FADS6: variants seen among roughly 807,000 people sequenced by gnomAD.
The protein encoded by FADS6 is fatty acid desaturase 6.
In FADS6, 28 loss-of-function variants were observed where a neutral mutation model predicts 31.7. The observed-to-expected ratio is 0.88, with a 90% confidence interval of 0.66 to 1.21. The LOEUF (loss-of-function observed/expected upper bound fraction) is 1.21, where lower values mean the gene tolerates loss of function less well. Ranked by LOEUF, FADS6 falls within the 50% of genes most tolerant of loss-of-function variation. The pLI is 0.00. For synonymous variants in FADS6, 191 were observed against 213.1 expected, an observed-to-expected ratio of 0.90 and a Z score of 0.90; for missense variants, 494 against 504.2, an observed-to-expected ratio of 0.98 and a Z score of 0.19.
chr17:74,892,784 G>A (rs1299503913), intron 1 of FADS6, 95 bp from the exon 2 acceptor site: 20 of 1,297,786 alleles, frequency 1.5e-5, no homozygotes, highest in Non-Finnish European at 2.1e-5. Context: ...CCAGGCTAAA[G>A]TGGGCTAGGC....
intron 2 of FADS6, among the ~76,000 whole-genome samples, chr17:74,888,157 C>CGCGCGG (rs1446798789): frequency 9.2e-6 from 1 of 108,912 alleles, no homozygotes; most frequent in Non-Finnish European, 1.7e-5. Context: ...CACACACACG[C>CGCGCGG]GCGCGCGCGC....
chr17:74,892,743 G>A (rs2038704946), intron 1 of FADS6, 54 bp from the exon 2 acceptor site: 1 of 1,522,022 alleles, frequency 6.6e-7, no homozygotes, highest in Non-Finnish European at 8.8e-7. Flanking sequence ...GGTGATCTGG[G>A]CCCAAATACC....
chr17:74,892,734 G>A, intron 1 of FADS6, 45 bp from the exon 2 acceptor site: 2 of 1,553,696 alleles, frequency 1.3e-6, no homozygotes, highest in Non-Finnish European at 1.7e-6. Flanking sequence ...CTAGCTCTGG[G>A]TGATCTGGGC....
chr17:74,884,676 G>A (rs1487739272), intron 2 of FADS6, among the ~76,000 whole-genome samples: 3 of 151,666 alleles, frequency 2.0e-5, no homozygotes, highest in African/African-American at 7.3e-5. Flanking sequence ...GCAGCGAGAC[G>A]GGGATAGGGG....
intron 2 of FADS6, among the ~76,000 whole-genome samples, chr17:74,888,167 C>A (rs965221894): frequency 6.9e-6 from 1 of 145,258 alleles, no homozygotes; most frequent in Non-Finnish European, 1.5e-5. Flanking sequence ...CGCGCGCGCG[C>A]GCGCGCAGAG....
At chr17:74,880,873 A>G (rs988011790) in intron 4 of FADS6, among the ~76,000 whole-genome samples, 195 bp downstream of exon 4, 2 of 152,230 alleles carry the variant, frequency 1.3e-5, no homozygotes, top group African/African-American at 2.4e-5. Context: ...AATGATGAGT[A>G]GGATCTTGAC....
At chr17:74,882,850 A>T (rs368411229) in intron 2 of FADS6, 140 bp from the exon 3 acceptor site, 2 of 1,517,832 alleles carry the variant, frequency 1.3e-6, no homozygotes. Context: ...AGCCCCAGCT[A>T]ATCCGCTTTG....
chr17:74,877,628 T>G lies in FADS6; in HGVS notation c.*703A>C, dbSNP rs1204738126. The stretch of plus-strand genomic sequence containing the variant: ...GATTACAGGCATGAGCCACCGCCCC[T>G]GGCTGGCTATTTATACTCTTTCCCT... On this transcript the variant is annotated 3_prime_UTR_variant, in exon 6 of 6. Transcript: ENST00000612771. The G allele has an allele frequency of 3.2e-6, 3 of 951,158 alleles. No homozygotes were observed. Among genetic ancestry groups the G allele is most frequent in the South Asian group, 4.9e-5 (1 of 20,612 alleles). The allele number at this position is 951,158 out of a possible 1,614,324, so 58.9% of individuals were successfully genotyped here.
downstream of FADS6, among the ~76,000 whole-genome samples, chr17:74,875,461 A>T (rs1408042666): frequency 2.6e-5 from 4 of 152,188 alleles, no homozygotes; most frequent in African/African-American, 9.6e-5. Context: ...CCCAGCCCAC[A>T]TCCTAAGTGA....
chr17:74,882,496 AG>A (rs1332379597), intron 3 of FADS6, 33 bp downstream of exon 3: 1 of 1,581,720 alleles, frequency 6.3e-7, no homozygotes, highest in East Asian at 2.3e-5. Flanking sequence ...AGGTCCATGC[AG>A]GACACTGCGG....
chr17:74,892,464 A>G, intron 2 of FADS6, 59 bp downstream of exon 2: 3 of 1,555,480 alleles, frequency 1.9e-6, no homozygotes, highest in Non-Finnish European at 2.6e-6. Flanking sequence ...CTCGAACAGA[A>G]GAATGAGGCT....
At chr17:74,881,930 T>C (rs960835159) in intron 3 of FADS6, among the ~76,000 whole-genome samples, 16 of 151,284 alleles carry the variant, frequency 1.1e-4, no homozygotes, top group Non-Finnish European at 2.2e-4. Context: ...GTGCAAGGCA[T>C]CTGCAAAGCA....
intron 2 of FADS6, among the ~76,000 whole-genome samples, chr17:74,883,945 G>A (rs1271021874): frequency 1.3e-5 from 2 of 152,196 alleles, no homozygotes; most frequent in Non-Finnish European, 2.9e-5. Context: ...TAGGAACACA[G>A]GTGTGAGCCA....
At chr17:74,888,152 A>ACGCGCGCGCG (rs201377510) in intron 2 of FADS6, among the ~76,000 whole-genome samples, 3 of 124,298 alleles carry the variant, frequency 2.4e-5, no homozygotes, top group Non-Finnish European at 4.8e-5. Flanking sequence ...ACACACACAC[A>ACGCGCGCGCG]CACGCGCGCG....
intron 2 of FADS6, among the ~76,000 whole-genome samples, chr17:74,883,574 C>T (rs545082283): frequency 6.6e-6 from 1 of 152,218 alleles, no homozygotes; most frequent in Non-Finnish European, 1.5e-5. Flanking sequence ...GCCCTTCACT[C>T]GCACACTTCC....
At chr17:74,892,500 C>T in intron 2 of FADS6, 23 bp downstream of exon 2, 1 of 1,604,858 alleles carries the variant, frequency 6.2e-7, no homozygotes, top group Non-Finnish European at 8.5e-7. Context: ...CAGCTGCCTG[C>T]ATCCTCCTTC....
intron 2 of FADS6, 172 bp from the exon 3 acceptor site, chr17:74,882,882 A>G: frequency 1.4e-6 from 2 of 1,478,574 alleles, no homozygotes; most frequent in Middle Eastern, 1.8e-4. Flanking sequence ...TCAGGTATCT[A>G]TGACCACGGA....
At chr17:74,891,472 T>C (rs1263299576) in intron 2 of FADS6, among the ~76,000 whole-genome samples, 1 of 152,142 alleles carries the variant, frequency 6.6e-6, no homozygotes, top group African/African-American at 2.4e-5. Context: ...GGCGGGCAGC[T>C]GACCCAGACT....
chr17:74,881,560 G>T (rs569026885), intron 3 of FADS6, among the ~76,000 whole-genome samples: 1 of 152,086 alleles, frequency 6.6e-6, no homozygotes, highest in South Asian at 2.1e-4. Context: ...TTTGCTGGGC[G>T]TCGTGGCGCA....
Sources: gnomAD v4.1 joint callset for allele counts (sites outside exome capture counted in the v4.1 genomes callset) on GRCh38, gnomAD v4.1.1 for gene constraint, MANE v1.5 for transcripts, NCBI Gene and HGNC (gene_info 2026-07-23, HGNC 2026-07-21) for gene names.